ADAM19: variants seen among roughly 807,000 people sequenced by gnomAD.
The protein encoded by ADAM19 is disintegrin and metalloproteinase domain-containing protein 19.
In ADAM19, 65 loss-of-function variants were observed where a neutral mutation model predicts 114.7. The observed-to-expected ratio is 0.57, with a 90% CI of 0.46 to 0.70. The LOEUF (loss-of-function observed/expected upper bound fraction) is 0.70, where lower values mean the gene tolerates loss of function less well. Among genes scored for constraint, ADAM19 ranks in the 30% least tolerant of loss-of-function variants. ADAM19 has a pLI of 0.00. For synonymous variants in ADAM19, 466 were observed against 460.5 expected, an observed-to-expected ratio of 1.01 and a Z score of -0.15; for missense variants, 1,063 against 1,204.7, an observed-to-expected ratio of 0.88 and a Z score of 1.74.
intron 10 of ADAM19, among the ~76,000 whole-genome samples, chr5:157,506,294 G>GA (rs904659698): frequency 3.9e-5 from 6 of 152,062 alleles, no homozygotes; most frequent in African/African-American, 1.4e-4. Flanking sequence ...AAATCAAGAG[G>GA]AAAAAAACCC....
chr5:157,564,664 A>G (rs1471284909), intron 2 of ADAM19, among the ~76,000 whole-genome samples: 1 of 152,204 alleles, frequency 6.6e-6, no homozygotes, highest in South Asian at 2.1e-4. Context: ...AAGAAACTCC[A>G]GGCTGCAATG....
chr5:157,541,736 T>C (rs186176528), intron 3 of ADAM19, among the ~76,000 whole-genome samples: 42 of 152,270 alleles, frequency 2.8e-4, no homozygotes, highest in Admixed American at 1.0e-3. Context: ...CTCAGGACAA[T>C]TCCTTTAAGT....
chr5:157,536,952 T>C (rs1049531601), intron 4 of ADAM19, among the ~76,000 whole-genome samples: 1 of 152,196 alleles, frequency 6.6e-6, no homozygotes, highest in African/African-American at 2.4e-5. Context: ...TCTTCCCTTC[T>C]TCACCCCCAT....
rs1255387375 is a variant in ADAM19, at chr5:157,479,419, C to A, written c.*1530G>T. On this transcript the variant is annotated 3_prime_UTR_variant, in exon 23 of 23. Coordinates refer to ENST00000257527, the MANE Select transcript of ADAM19 (RefSeq NM_033274.5). ...AGGATGGGAGGAGGCCCCAGGAAAGCCTCAGAGGAGTGAGAGTCAGGCCAG... is the reference window on the plus strand; with the variant it reads ...AGGATGGGAGGAGGCCCCAGGAAAGACTCAGAGGAGTGAGAGTCAGGCCAG... The A allele has an allele frequency of 2.0e-6, 2 of 985,896 alleles. No individual in the cohort carries two copies. Among genetic ancestry groups the A allele is most frequent in the Non-Finnish European group, 2.4e-6 (2 of 830,108 alleles). 61.1% of individuals were successfully genotyped at this position (985,896 alleles called of 1,614,324 possible).
intron 5 of ADAM19, among the ~76,000 whole-genome samples, chr5:157,528,961 A>C (rs1756549704): frequency 6.6e-6 from 1 of 152,196 alleles, no homozygotes; most frequent in South Asian, 2.1e-4. Context: ...TGAATGAAGC[A>C]ATCAGTCAAG....
chr5:157,485,055 A>G (rs1223809663), intron 21 of ADAM19, among the ~76,000 whole-genome samples: 2 of 152,192 alleles, frequency 1.3e-5, no homozygotes, highest in Non-Finnish European at 2.9e-5. Flanking sequence ...CCCTTCCACA[A>G]GGGATGGCAT....
chr5:157,487,826 A>T (rs916780051), intron 21 of ADAM19, among the ~76,000 whole-genome samples: 1 of 152,152 alleles, frequency 6.6e-6, no homozygotes, highest in Admixed American at 6.5e-5. Flanking sequence ...CAGTCCCATC[A>T]ACCTCAGAAT....
At chr5:157,531,726 C>T (rs1756630042) in intron 4 of ADAM19, among the ~76,000 whole-genome samples, 1 of 151,192 alleles carries the variant, frequency 6.6e-6, no homozygotes, top group Non-Finnish European at 1.5e-5. Flanking sequence ...GGTCCTAAAT[C>T]CAATGATTTG....
At chr5:157,498,706 A>G in intron 13 of ADAM19, among the ~76,000 whole-genome samples, 1 of 149,958 alleles carries the variant, frequency 6.7e-6, no homozygotes, top group African/African-American at 2.4e-5. Context: ...ATATATATAT[A>G]TATATGGATA....
At chr5:157,509,678 G>C (rs76025680) in intron 8 of ADAM19, among the ~76,000 whole-genome samples, 2 of 152,316 alleles carry the variant, frequency 1.3e-5, no homozygotes, top group East Asian at 3.9e-4. Flanking sequence ...ACAGAAGGAG[G>C]CAACTGGTGT....
At chr5:157,538,674 T>C (rs904166880) in intron 3 of ADAM19, among the ~76,000 whole-genome samples, 35 of 152,348 alleles carry the variant, frequency 2.3e-4, no homozygotes, top group African/African-American at 8.2e-4. Flanking sequence ...CCTTTTTTTC[T>C]TTTCTAAACT....
At chr5:157,481,532 G>T in intron 22 of ADAM19, 1 of 1,332,616 alleles carries the variant, frequency 7.5e-7, no homozygotes, top group South Asian at 1.5e-5. Context: ...ACTTGCTCAG[G>T]GTCCCTCCCC....
chr5:157,499,607 T>A lies in ADAM19; in HGVS notation c.1364A>T (p.Glu455Val). 6.2e-7 allele frequency: 1 copy of A among 1,613,366 alleles called. No homozygotes were observed. Among genetic ancestry groups the A allele is most frequent in the South Asian group, 1.1e-5 (1 of 90,968 alleles). The change falls in exon 13 of 23, where the codon GAG (glutamate) becomes GTG (valine). Residue 455 changes from glutamate to valine, a missense_variant. This residue lies in a region of ADAM19 where 615 missense variants were observed against 706.3 expected (regional missense o/e 0.87). Coordinates refer to ENST00000257527, the MANE Select transcript of ADAM19 (RefSeq NM_033274.5). ...GTGGCAGCAGGAGCCGTGAGCACAC[T>A]CCGCCCCCGGCCTCAGGGTACAATT... is the stretch of plus-strand genomic sequence containing the variant. ...ASNCTLRPGA[E>V]CAHGSCCHQC...
intron 21 of ADAM19, among the ~76,000 whole-genome samples, chr5:157,483,734 A>G (rs1754836231): frequency 6.6e-6 from 1 of 151,942 alleles, no homozygotes; most frequent in Admixed American, 6.6e-5. Context: ...CCGGAGTTCA[A>G]ACGATTCTCT....
chr5:157,516,362 A>G (rs1756089333), intron 7 of ADAM19, among the ~76,000 whole-genome samples: 1 of 152,222 alleles, frequency 6.6e-6, no homozygotes, highest in South Asian at 2.1e-4. Context: ...TGTAAGAGAA[A>G]GATGGCTCTA....
At position 157,519,859 on chromosome 5, in the gene ADAM19, T is replaced by A. The variant is rs750869282; in HGVS notation, c.580A>T (p.Thr194Ser). The A allele has an allele frequency of 6.2e-7, 1 of 1,613,112 alleles. No homozygotes were observed. The highest frequency in any genetic ancestry group is 1.1e-5 in the South Asian group (1 of 91,000). ...RDWALQFTQQTKKRPRRMKRE... is the reference protein window; with the variant it reads ...RDWALQFTQQSKKRPRRMKRE... ...CTCACCCTGCGAGGTCGCTTCTTGGTCTGTTGTGTAAACTGAAGAGCCCAG... is the reference window on the plus strand; with the variant it reads ...CTCACCCTGCGAGGTCGCTTCTTGGACTGTTGTGTAAACTGAAGAGCCCAG... Residue 194 changes from threonine (T) to serine (S), a missense_variant, in exon 6 of 23, where the codon ACC (threonine) becomes TCC (serine). Physicochemically the swap from Thr to Ser is moderately conservative, Grantham distance 58 (BLOSUM62 1). Around this residue, in one of 3 missense-constraint regions of ADAM19, gnomAD observed 615 missense variants for 706.3 expected, o/e 0.87. Coordinates refer to ENST00000257527, the MANE Select transcript of ADAM19 (RefSeq NM_033274.5).
chr5:157,484,295 T>C (rs564572478), intron 21 of ADAM19, among the ~76,000 whole-genome samples: 16 of 152,340 alleles, frequency 1.1e-4, no homozygotes, highest in African/African-American at 3.8e-4. Flanking sequence ...CATTCCCCTC[T>C]AGAGTGGAAG....
At chr5:157,567,820 G>T (rs1757710006) in intron 2 of ADAM19, among the ~76,000 whole-genome samples, 1 of 151,160 alleles carries the variant, frequency 6.6e-6, no homozygotes, top group Middle Eastern at 3.4e-3. Flanking sequence ...AAATAAAAAA[G>T]AAAGAAAGAA....
intron 2 of ADAM19, chr5:157,568,397 A>G (rs1268650459): frequency 6.6e-6 from 1 of 152,192 alleles, no homozygotes; most frequent in Non-Finnish European, 1.5e-5. Flanking sequence ...TTCAAGCAAA[A>G]CAATGAAACT....
Sources: gnomAD v4.1 joint callset for allele counts (sites outside exome capture counted in the v4.1 genomes callset) on GRCh38, gnomAD v4.1.1 for gene constraint, gnomAD v4.1.1 regional missense constraint, MANE v1.5 for transcripts, NCBI Gene and HGNC (gene_info 2026-07-23, HGNC 2026-07-21) for gene names.